Variants in SPRED2 observed in about 807,000 individuals in gnomAD.
The protein encoded by SPRED2 is sprouty related EVH1 domain containing 2.
Under a neutral mutation model 43.0 loss-of-function variants are expected in SPRED2, and 47 were observed. The ratio of observed to expected loss-of-function variants is 1.09; its 90% confidence interval spans 0.87 to 1.40. The LOEUF is 1.40. SPRED2 is among the 40% of genes most tolerant of loss of function. SPRED2 has a pLI of 0.00. For missense variants in SPRED2, 561 were observed against 586.4 expected (o/e 0.96, Z 0.45); for synonymous variants, 225 against 225.7 (o/e 1.00, Z 0.03).
chr2:65,312,205 T>C lies in SPRED2; in HGVS notation c.*1296A>G, dbSNP rs1673088921. 6 of 985,642 alleles carry C rather than the reference T, an allele frequency of 6.1e-6. No homozygotes were observed. Among genetic ancestry groups the C allele is most frequent in the Non-Finnish European group, 7.2e-6 (6 of 829,942 alleles). The allele number at this position is 985,642 out of a possible 1,614,324, so 61.1% of individuals were successfully genotyped here. A position where few individuals can be genotyped will look rare whatever the true frequency, so the allele number is the denominator to read the frequency against. On this transcript the variant is annotated 3_prime_UTR_variant, in exon 6 of 6. Transcript: ENST00000356388. Reference sequence around the variant, plus strand: ...GACAGGCAGAACCAGTTGGCTGACCTAACCACCTGTGCACCCAAAGTGGCG... The same window carrying C: ...GACAGGCAGAACCAGTTGGCTGACCCAACCACCTGTGCACCCAAAGTGGCG...
At chr2:65,431,887 C>T in intron 1 of SPRED2, 75 bp downstream of exon 1, 1 of 1,569,904 alleles carries the variant, frequency 6.4e-7, no homozygotes, top group Non-Finnish European at 8.7e-7. Context: ...ATAAGCGTCC[C>T]CGCCCGCATC....
intron 1 of SPRED2, among the ~76,000 whole-genome samples, chr2:65,427,643 C>T (rs1283177979): frequency 6.6e-6 from 1 of 152,194 alleles, no homozygotes; most frequent in Non-Finnish European, 1.5e-5. Context: ...TTATTTAAAT[C>T]CATTTTAATT....
Position 65,360,068 on chromosome 2 carries a change from AAAAAAAAAAACAAAAAAAAAC to A in SPRED2, c.27-15193_27-15173del, listed in dbSNP as rs1440468973. Among the ~76,000 whole-genome samples the A allele has an allele frequency of 9.9e-4, 125 of 125,984 alleles. 1 individual carries two copies. The highest frequency in any genetic ancestry group is 5.0e-3 in the East Asian group (18 of 3,604). The allele number at this position is 125,984 out of a possible 152,430, so 82.7% of individuals were successfully genotyped here. A position where few individuals can be genotyped will look rare whatever the true frequency, so the allele number is the denominator to read the frequency against. The stretch of plus-strand genomic sequence containing the variant: ...CGACAGAGCGAGACTCCATCTCAAA[AAAAAAAAAAACAAAAAAAAAC>A]AAAAAAAAAACAAAAAAAAAAAAAA... On this transcript the variant is annotated intron_variant, in intron 1 of 5. Coordinates refer to ENST00000356388, the MANE Select transcript of SPRED2 (RefSeq NM_181784.3).
intron 1 of SPRED2, among the ~76,000 whole-genome samples, chr2:65,383,026 G>T (rs928229254): frequency 2.0e-5 from 3 of 152,194 alleles, no homozygotes; most frequent in African/African-American, 7.2e-5. Context: ...GTTCCGCTGC[G>T]GCACAAGCCG....
At chr2:65,369,257 A>C (rs1675057486) in intron 1 of SPRED2, among the ~76,000 whole-genome samples, 1 of 139,638 alleles carries the variant, frequency 7.2e-6, no homozygotes, top group African/African-American at 2.4e-5. Context: ...GGGGAGACAC[A>C]TACATACACA....
At chr2:65,325,265 G>A (rs951981549) in intron 4 of SPRED2, among the ~76,000 whole-genome samples, 2 of 152,174 alleles carry the variant, frequency 1.3e-5, no homozygotes, top group African/African-American at 4.8e-5. Flanking sequence ...AATGTGCAAA[G>A]AGCCAAGCCC....
intron 3 of SPRED2, among the ~76,000 whole-genome samples, chr2:65,332,505 C>T (rs1673842812): frequency 6.6e-6 from 1 of 152,220 alleles, no homozygotes; most frequent in Non-Finnish European, 1.5e-5. Context: ...CTGGTCTTTT[C>T]ACCTACCAAT....
Position 65,362,063 on chromosome 2 carries a change from C to T in SPRED2, c.27-17167G>A, listed in dbSNP as rs557506772. Among the ~76,000 whole-genome samples, 15 of 152,314 alleles carry T rather than the reference C, an allele frequency of 9.8e-5. 1 individual carries two copies. The highest frequency in any genetic ancestry group is 2.4e-5 in the African/African-American group (1 of 41,560). ...AAATGAATGAATGAAGTCATCTCTT[C>T]GATTGAAATCAAGAAAGAGATAGTA... On this transcript the variant is annotated intron_variant, in intron 1 of 5. Transcript: ENST00000356388.
In SPRED2 at chr2:65,314,177, G is replaced by C; in HGVS notation, c.589-8C>G. 1 of 1,570,254 alleles carries C rather than the reference G, an allele frequency of 6.4e-7. No individual in the cohort carries two copies. Among genetic ancestry groups the C allele is most frequent in the Non-Finnish European group, 8.7e-7 (1 of 1,153,448 alleles). On this transcript the variant is annotated splice_region_variant and splice_polypyrimidine_tract_variant and intron_variant, in intron 5 of 5. Coordinates refer to ENST00000356388, the MANE Select transcript of SPRED2 (RefSeq NM_181784.3). ...GTAGGGCCTTGGCATCGGCTGTCCC[G>C]TAGGAGAGGAGACATTATTTTACAG...
chr2:65,315,804 G>A (rs554736042), intron 5 of SPRED2, among the ~76,000 whole-genome samples: 1 of 152,120 alleles, frequency 6.6e-6, no homozygotes, highest in African/African-American at 2.4e-5. Flanking sequence ...GACTACAGGC[G>A]CCCGCCACCA....
chr2:65,397,181 A>T (rs1332456753), intron 1 of SPRED2, among the ~76,000 whole-genome samples: 1 of 152,182 alleles, frequency 6.6e-6, no homozygotes, highest in East Asian at 1.9e-4. Context: ...TGATAAAGAA[A>T]CAGATACACA....
intron 1 of SPRED2, among the ~76,000 whole-genome samples, chr2:65,396,391 C>T (rs1302141976): frequency 1.3e-5 from 2 of 152,202 alleles, no homozygotes; most frequent in African/African-American, 4.8e-5. Context: ...TTCTTGGACA[C>T]AACAGCAAAA....
At chr2:65,402,090 C>T (rs1675915452) in intron 1 of SPRED2, among the ~76,000 whole-genome samples, 1 of 151,400 alleles carries the variant, frequency 6.6e-6, no homozygotes, top group Non-Finnish European at 1.5e-5. Context: ...GCAGCCTGGG[C>T]AACATGGCAA....
At position 65,321,424 on chromosome 2, in the gene SPRED2, C is replaced by T. The variant is rs73936451; in HGVS notation, c.439-4541G>A. ...CAGCTGCTCATGCCTGTAATCCCAG[C>T]GCTTTGGGAGGCTGAGGTAGGAGGA... On this transcript the variant is annotated intron_variant, in intron 4 of 5. Coordinates refer to ENST00000356388, the MANE Select transcript of SPRED2 (RefSeq NM_181784.3). Among the ~76,000 whole-genome samples the T allele has an allele frequency of 4.1e-5, 6 of 148,086 alleles. No individual in the cohort carries two copies. The East Asian group carries it at 8.1e-4, about 20-fold the overall frequency.
intron 1 of SPRED2, among the ~76,000 whole-genome samples, chr2:65,369,585 A>G (rs1375054055): frequency 5.3e-5 from 8 of 152,258 alleles, no homozygotes; most frequent in Non-Finnish European, 7.3e-5. Context: ...TGTTTGGTCG[A>G]CTTGCATGCT....
intron 4 of SPRED2, among the ~76,000 whole-genome samples, chr2:65,323,242 A>G (rs373831437): frequency 4.0e-5 from 6 of 151,788 alleles, no homozygotes; most frequent in East Asian, 1.9e-4. Flanking sequence ...TGATCCGCCC[A>G]CCTCAGCCTC....
chr2:65,392,320 A>C (rs913578352), intron 1 of SPRED2, among the ~76,000 whole-genome samples: 1 of 151,728 alleles, frequency 6.6e-6, no homozygotes, highest in African/African-American at 2.4e-5. Flanking sequence ...AGGTGACAAC[A>C]GGTGTGCATT....
rs182832903 is a variant in SPRED2, at chr2:65,381,452, C to A, written c.27-36556G>T. Among the ~76,000 whole-genome samples, 36 of 152,360 alleles carry A rather than the reference C, an allele frequency of 2.4e-4. 1 individual carries two copies. Among genetic ancestry groups the A allele is most frequent in the Admixed American group, 2.1e-3 (32 of 15,306 alleles). On this transcript the variant is annotated intron_variant, in intron 1 of 5. Coordinates refer to ENST00000356388, the MANE Select transcript of SPRED2 (RefSeq NM_181784.3). ...TGGTCAACTTATTTCATCTCTCTAA[C>A]CTGCAGTTTCTCTATCTGCAAAACA...
intron 1 of SPRED2, among the ~76,000 whole-genome samples, chr2:65,376,950 A>G (rs568806647): frequency 1.7e-4 from 26 of 152,106 alleles, no homozygotes; most frequent in Non-Finnish European, 2.6e-4. Flanking sequence ...TCCTGACCTC[A>G]TGATCCGCCT....
Sources: gnomAD v4.1 joint callset for allele counts (sites outside exome capture counted in the v4.1 genomes callset) on GRCh38, gnomAD v4.1.1 for gene constraint, MANE v1.5 for transcripts, NCBI Gene and HGNC (gene_info 2026-07-23, HGNC 2026-07-21) for gene names.